IMMP2L: variants seen among roughly 807,000 people sequenced by gnomAD.
The protein encoded by IMMP2L is mitochondrial inner membrane protease subunit 2.
Under a neutral mutation model 19.3 loss-of-function variants are expected in IMMP2L, and 18 were observed. The ratio of observed to expected loss-of-function variants is 0.93; its 90% CI spans 0.64 to 1.38. IMMP2L has a LOEUF of 1.38. Among genes scored for constraint, IMMP2L ranks in the 40% most tolerant of loss-of-function variants. IMMP2L has a pLI of 0.00. For missense variants in IMMP2L, 233 were observed against 218.2 expected, an observed-to-expected ratio of 1.07 and a Z score of -0.43; for synonymous variants, 76 against 73.0, an observed-to-expected ratio of 1.04 and a Z score of -0.21.
chr7:111,048,267 AAAAAAAG>A (rs1348130776), intron 3 of IMMP2L, among the ~76,000 whole-genome samples: 22 of 148,000 alleles, frequency 1.5e-4, no homozygotes, highest in Admixed American at 2.0e-4. Context: ...AAAAAAAAAG[AAAAAAAG>A]AAAAAAGAAA....
chr7:111,551,511 TG>T (rs1849458080), intron 1 of IMMP2L, among the ~76,000 whole-genome samples: 2 of 151,390 alleles, frequency 1.3e-5, no homozygotes, highest in African/African-American at 4.9e-5. Context: ...TGTGTGTGTG[TG>T]TGTGTGTGTG....
intron 4 of IMMP2L, among the ~76,000 whole-genome samples, chr7:110,903,825 T>G (rs1812168931): frequency 6.6e-6 from 1 of 152,110 alleles, no homozygotes; most frequent in Admixed American, 6.5e-5. Flanking sequence ...GTGGCTGTAC[T>G]ATTTTCGATT....
At chr7:111,167,975 T>G (rs375849044) in intron 3 of IMMP2L, among the ~76,000 whole-genome samples, 1 of 151,990 alleles carries the variant, frequency 6.6e-6, no homozygotes, top group South Asian at 2.1e-4. Flanking sequence ...TGTTTTGTTG[T>G]TGGTGTTGTT....
chr7:111,143,405 A>C (rs2107145), intron 3 of IMMP2L, among the ~76,000 whole-genome samples: 113,548 of 152,042 alleles, frequency 0.75, 45,359 homozygotes, highest in East Asian at 0.9. Context: ...CAAAAATTCC[A>C]AAAATAAATC....
At chr7:111,391,848 G>A in intron 3 of IMMP2L, 1 of 702,366 alleles carries the variant, frequency 1.4e-6, no homozygotes, top group Non-Finnish European at 2.6e-6. Flanking sequence ...CTCTCTTTCA[G>A]TTGCCTCCAC....
chr7:111,017,104 C>T (rs1028915288), intron 3 of IMMP2L, among the ~76,000 whole-genome samples: 9 of 148,466 alleles, frequency 6.1e-5, no homozygotes, highest in South Asian at 2.1e-4. Context: ...GAAAGAGTCT[C>T]GCTCTGTTGC....
chr7:111,203,671 G>A, intron 3 of IMMP2L, among the ~76,000 whole-genome samples: 1 of 149,716 alleles, frequency 6.7e-6, no homozygotes, highest in African/African-American at 2.5e-5. Context: ...CAAACATTAG[G>A]TAAAATAATT....
At chr7:110,855,616 G>A (rs1711001081) in intron 5 of IMMP2L, among the ~76,000 whole-genome samples, 1 of 152,000 alleles carries the variant, frequency 6.6e-6, no homozygotes, top group Non-Finnish European at 1.5e-5. Context: ...AGCAGAGAAT[G>A]TTTAATATCC....
chr7:111,539,194 G>GGAAGGAAGGAAGGAAGGAA lies in IMMP2L; in HGVS notation c.-2-17746_-2-17745insTTCCTTCCTTCCTTCCTTC, dbSNP rs1563330607. Among the ~76,000 whole-genome samples the GGAAGGAAGGAAGGAAGGAA allele has an allele frequency of 3.6e-4, 22 of 60,924 alleles. 1 individual carries two copies. The highest frequency in any genetic ancestry group is 1.5e-3 in the East Asian group (3 of 2,062). 40.0% of individuals were successfully genotyped at this position (60,924 alleles called of 152,430 possible). The stretch of plus-strand genomic sequence containing the variant: ...AAGGAAGGAAGGAAGGAAGGAAGGA[G>GGAAGGAAGGAAGGAAGGAA]GGAGAAAGAAAGAAAGAAAGAAAGA... On this transcript the variant is annotated intron_variant, in intron 1 of 5. Transcript: ENST00000405709.
chr7:111,334,179 T>C (rs1202570461), intron 3 of IMMP2L, among the ~76,000 whole-genome samples: 1 of 151,862 alleles, frequency 6.6e-6, no homozygotes, highest in Non-Finnish European at 1.5e-5. Context: ...AATAAATACA[T>C]ATTATATATA....
intron 5 of IMMP2L, among the ~76,000 whole-genome samples, chr7:110,819,296 G>A (rs1023035275): frequency 5.9e-5 from 9 of 151,864 alleles, no homozygotes; most frequent in South Asian, 2.1e-4. Context: ...GGGGAGGTTC[G>A]GAGGCTGGGA....
rs1266257498 is a variant in IMMP2L at position 111,281,210 on chromosome 7, GAA to G, written c.239+206026_239+206027del. Among the ~76,000 whole-genome samples the G allele has an allele frequency of 3.3e-4, 15 of 45,174 alleles. 1 individual carries two copies. The highest frequency in any genetic ancestry group is 2.0e-3 in the South Asian group (2 of 984). The allele number at this position is 45,174 out of a possible 152,430, so 29.6% of individuals were successfully genotyped here. A position where few individuals can be genotyped will look rare whatever the true frequency, so the allele number is the denominator to read the frequency against. On this transcript the variant is annotated intron_variant, in intron 3 of 5. Transcript: ENST00000405709. ...AGAAAGAAAGAAAGAAAGAAAGAAA[GAA>G]AGAAAAAGAAAGAAAGAAAGAAAGA...
At chr7:111,140,870 AC>A (rs1240416489) in intron 3 of IMMP2L, among the ~76,000 whole-genome samples, 1 of 152,232 alleles carries the variant, frequency 6.6e-6, no homozygotes, top group Non-Finnish European at 1.5e-5. Flanking sequence ...TGACTGAGTG[AC>A]AAAGCAAATA....
At chr7:110,948,849 C>T (rs964012486) in intron 4 of IMMP2L, among the ~76,000 whole-genome samples, 5 of 152,118 alleles carry the variant, frequency 3.3e-5, no homozygotes, top group South Asian at 2.1e-4. Flanking sequence ...TCAACGTGGA[C>T]GGGCATCATC....
intron 5 of IMMP2L, among the ~76,000 whole-genome samples, chr7:110,742,336 C>G (rs1797039553): frequency 6.6e-6 from 1 of 151,566 alleles, no homozygotes; most frequent in South Asian, 2.1e-4. Flanking sequence ...TTCTAAGAGC[C>G]CAGGGAAAGA....
intron 3 of IMMP2L, among the ~76,000 whole-genome samples, chr7:111,452,659 T>G (rs908121648): frequency 1.1e-4 from 16 of 152,146 alleles, no homozygotes; most frequent in African/African-American, 3.4e-4. Context: ...CCTCTGCCAC[T>G]AAATCTCTGT....
At chr7:111,050,247 T>C (rs907080520) in intron 3 of IMMP2L, among the ~76,000 whole-genome samples, 5 of 152,174 alleles carry the variant, frequency 3.3e-5, no homozygotes, top group Admixed American at 3.3e-4. Context: ...CTGGGAGCAA[T>C]ACAGTAAAGA....
intron 3 of IMMP2L, among the ~76,000 whole-genome samples, chr7:110,968,369 T>G (rs899617925): frequency 2.0e-4 from 30 of 152,106 alleles, no homozygotes; most frequent in Admixed American, 1.1e-3. Context: ...AGCACATTCT[T>G]GCATGAGAAA....
intron 5 of IMMP2L, among the ~76,000 whole-genome samples, chr7:110,764,391 T>C (rs1798533258): frequency 6.6e-6 from 1 of 152,072 alleles, no homozygotes; most frequent in South Asian, 2.1e-4. Context: ...CATAAAGCAA[T>C]ATATGAGTCC....
Sources: gnomAD v4.1 joint callset for allele counts (sites outside exome capture counted in the v4.1 genomes callset) on GRCh38, gnomAD v4.1.1 for gene constraint, MANE v1.5 for transcripts, NCBI Gene and HGNC (gene_info 2026-07-23, HGNC 2026-07-21) for gene names.